MSC: variants seen among roughly 807,000 people sequenced by gnomAD.
MSC encodes musculin.
Under a neutral mutation model 14.4 loss-of-function variants are expected in MSC, and 16 were observed. The ratio of observed to expected loss-of-function variants is 1.11; its 90% confidence interval spans 0.75 to 1.69. MSC has a LOEUF of 1.69. Ranked by LOEUF, MSC falls within the 40% of genes most tolerant of loss-of-function variation. MSC has a pLI of 0.00. For synonymous variants in MSC, 165 were observed against 128.5 expected, an observed-to-expected ratio of 1.28 and a Z score of -1.92; for missense variants, 320 against 288.1, an observed-to-expected ratio of 1.11 and a Z score of -0.80.
rs1415708349 is a variant in MSC at position 71,844,210 on chromosome 8, T to C, written c.-32A>G. 6.3e-7 allele frequency: 1 copy of C among 1,599,474 alleles called. No homozygotes were observed. The highest frequency in any genetic ancestry group is 8.5e-7 in the Non-Finnish European group (1 of 1,172,382). ...GTCCCCCTTGCCCACACGCGTCCTC[T>C]TTCCTCCCCCCTGGCCAGTCTCGCT... On this transcript the variant is annotated 5_prime_UTR_variant, in exon 1 of 2. Coordinates refer to ENST00000325509, the MANE Select transcript of MSC (RefSeq NM_005098.4).
chr8:71,842,994 T>A (rs1420996899), intron 1 of MSC: 1 of 438,064 alleles, frequency 2.3e-6, no homozygotes, highest in Admixed American at 3.4e-5. Flanking sequence ...GTGAAACTCA[T>A]CTGACTTTGA....
In MSC at chr8:71,844,301, C is replaced by G; in HGVS notation, c.-123G>C. The G allele has an allele frequency of 7.1e-7, 1 of 1,418,380 alleles. No homozygotes were observed. Among genetic ancestry groups the G allele is most frequent in the East Asian group, 2.4e-5 (1 of 41,092 alleles). 87.9% of individuals were successfully genotyped at this position (1,418,380 alleles called of 1,614,324 possible). A position where few individuals can be genotyped will look rare whatever the true frequency, so the allele number is the denominator to read the frequency against. On this transcript the variant is annotated 5_prime_UTR_variant, in exon 1 of 2. Transcript: ENST00000325509. ...AGCGCTCCAAGGAAGACTAAAAACC[C>G]AGGCCGGGAAGCGCGGGGTGAGAAA...
chr8:71,842,727 C>T lies in MSC; in HGVS notation c.555G>A (p.Ser185=). 1.9e-6 allele frequency: 3 copies of T among 1,613,990 alleles called. No individual in the cohort carries two copies. Among genetic ancestry groups the T allele is most frequent in the South Asian group, 1.1e-5 (1 of 91,054 alleles). The part of the protein sequence containing the change: ...PVNLTWPFVV[S]GRPDSDTKEV... ...CTTTGGTGTCAGAGTCCGGTCTTCC[C>T]GAGACCACGAATGGCCATGTCTGTA... Residue 185 remains serine (S), a synonymous_variant, in exon 2 of 2, where the codon TCG becomes TCA. Coordinates refer to ENST00000325509, the MANE Select transcript of MSC (RefSeq NM_005098.4).
rs1554624671 is a variant in MSC, at chr8:71,843,082, A to ACACC, written c.535-336_535-335insGGTG. ...CACACACACACACACACACACACACAGTCATCCACTCCAAGCTCCAAGTAG... is the reference window on the plus strand; with the variant it reads ...CACACACACACACACACACACACACACACCGTCATCCACTCCAAGCTCCAAGTAG... On this transcript the variant is annotated intron_variant, in intron 1 of 1. Transcript: ENST00000325509. 90 of 347,188 alleles carry ACACC rather than the reference A, an allele frequency of 2.6e-4. 3 individuals are homozygous for ACACC. Among genetic ancestry groups the ACACC allele is most frequent in the African/African-American group, 1.9e-3 (88 of 45,774 alleles). 21.5% of individuals were successfully genotyped at this position (347,188 alleles called of 1,614,324 possible).
chr8:71,844,192 T>C lies in MSC; in HGVS notation c.-14A>G. 2 of 1,590,164 alleles carry C rather than the reference T, an allele frequency of 1.3e-6. No homozygotes were observed. Among genetic ancestry groups the C allele is most frequent in the South Asian group, 1.1e-5 (1 of 89,058 alleles). On this transcript the variant is annotated 5_prime_UTR_variant, in exon 1 of 2. Transcript: ENST00000325509. ...GCCCGTGGACATCCCGTTGTCCCCC[T>C]TGCCCACACGCGTCCTCTTTCCTCC... is the stretch of plus-strand genomic sequence containing the variant.
In MSC at chr8:71,844,097, T is replaced by C; in HGVS notation, c.82A>G (p.Arg28Gly). The change falls in exon 1 of 2, where the codon AGG (arginine) becomes GGG (glycine). Residue 28 changes from arginine to glycine, a missense_variant. Arg to Gly is a moderately radical substitution (Grantham distance 125). Transcript: ENST00000325509. Reference sequence around the variant, plus strand: ...CGCTCTACGCCGCGGAGGGGCGGCCTCTTGGAGGCGGGGACCGGGTACTCC... The same window carrying C: ...CGCTCTACGCCGCGGAGGGGCGGCCCCTTGGAGGCGGGGACCGGGTACTCC... Reference protein sequence around the residue: ...QREYPVPASKRPPLRGVERSY... With the variant: ...QREYPVPASKGPPLRGVERSY... 2 of 1,521,310 alleles carry C rather than the reference T, an allele frequency of 1.3e-6. No individual in the cohort carries two copies. Among genetic ancestry groups the C allele is most frequent in the Non-Finnish European group, 1.8e-6 (2 of 1,135,822 alleles). 94.2% of individuals were successfully genotyped at this position (1,521,310 alleles called of 1,614,324 possible).
intron 1 of MSC, 30 bp from the exon 2 acceptor site, chr8:71,842,777 G>C (rs1807411782): frequency 6.2e-7 from 1 of 1,601,758 alleles, no homozygotes; most frequent in Admixed American, 1.7e-5. Context: ...TGAGATATTA[G>C]AGAGAAACGA....
In MSC at chr8:71,843,745, T is replaced by G. The variant is rs1241003040; in HGVS notation, c.434A>C (p.Lys145Thr). 1 of 1,614,050 alleles carries G rather than the reference T, an allele frequency of 6.2e-7. No homozygotes were observed. Among genetic ancestry groups the G allele is most frequent in the Admixed American group, 1.7e-5 (1 of 60,014 alleles). ...GGAAGCCAGCCGGAGCGTGTCCAGC[T>G]TGGAGAGCTTAGTGTCGGGGGGCAC... ...PWVPPDTKLS[K>T]LDTLRLASSY... The change falls in exon 1 of 2, where the codon AAG (lysine) becomes ACG (threonine). Residue 145 changes from lysine to threonine, a missense_variant. Transcript: ENST00000325509.
rs2129421172 is a variant in MSC, at chr8:71,844,348, T to G, written c.-170A>C. The G allele has an allele frequency of 1.1e-6, 1 of 950,362 alleles. No homozygotes were observed. Among genetic ancestry groups the G allele is most frequent in the Non-Finnish European group, 1.6e-6 (1 of 612,892 alleles). 58.9% of individuals were successfully genotyped at this position (950,362 alleles called of 1,614,324 possible). A position where few individuals can be genotyped will look rare whatever the true frequency, so the allele number is the denominator to read the frequency against. On this transcript the variant is annotated 5_prime_UTR_variant, in exon 1 of 2. Transcript: ENST00000325509. ...GAAAGCGAGGTGGGTGGCGAGAGCG[T>G]GAGCGCCCCTCTGCTGACCCCGGGG...
rs1468360495 is a variant in MSC at position 71,844,248 on chromosome 8, C to G, written c.-70G>C. The stretch of plus-strand genomic sequence containing the variant: ...GGCCAGTCTCGCTGTCTCCGCCTTC[C>G]GCTCCCTGGCGGAGGCGGAGGCCAG... On this transcript the variant is annotated 5_prime_UTR_variant, in exon 1 of 2. Transcript: ENST00000325509. 6.3e-7 allele frequency: 1 copy of G among 1,592,786 alleles called. No individual in the cohort carries two copies. The highest frequency in any genetic ancestry group is 1.7e-5 in the Admixed American group (1 of 59,514).
chr8:71,843,484 C>T, intron 1 of MSC, 161 bp downstream of exon 1: 2 of 883,740 alleles, frequency 2.3e-6, no homozygotes, highest in Non-Finnish European at 3.7e-6. Flanking sequence ...TGGCTGGCCA[C>T]TCCCTTGATT....
rs779932755 is a variant in MSC, at chr8:71,843,656, G to A, written c.523C>T (p.Pro175Ser). The change falls in exon 1 of 2, where the codon CCA becomes TCA. Residue 175 changes from proline to serine, a missense_variant. Transcript: ENST00000325509. ...EDRYENGYVH[P>S]VNLTWPFVVS... ...CGCCGCGCCCCTACCAGGTTCACTG[G>A]GTGCACGTAGCCGTTCTCATAGCGG... 3 of 1,614,082 alleles carry A rather than the reference G, an allele frequency of 1.9e-6. No individual in the cohort carries two copies. In the South Asian group the frequency reaches 3.3e-5, roughly 18 times the overall value.
chr8:71,842,537 A>C lies in MSC; in HGVS notation c.*124T>G. On this transcript the variant is annotated 3_prime_UTR_variant, in exon 2 of 2. Transcript: ENST00000325509. ...CCTGTCACGATCACAGTTCCAGGGA[A>C]AGGGGAAGGGTCAAGGAGAATCCAG... 1.1e-6 allele frequency: 1 copy of C among 921,502 alleles called. No individual in the cohort carries two copies. Among genetic ancestry groups the C allele is most frequent in the East Asian group, 2.5e-5 (1 of 40,222 alleles). 57.1% of individuals were successfully genotyped at this position (921,502 alleles called of 1,614,324 possible). A position where few individuals can be genotyped will look rare whatever the true frequency, so the allele number is the denominator to read the frequency against.
Position 71,844,369 on chromosome 8 carries a change from C to G in MSC, c.-191G>C, listed in dbSNP as rs1392693712. ...AGCGTGAGCGCCCCTCTGCTGACCC[C>G]GGGGAGCGTGGACTACGAGTTGGCG... On this transcript the variant is annotated 5_prime_UTR_variant, in exon 1 of 2. Transcript: ENST00000325509. 1.2e-6 allele frequency: 1 copy of G among 823,010 alleles called. No individual in the cohort carries two copies. The highest frequency in any genetic ancestry group is 2.0e-6 in the Non-Finnish European group (1 of 496,642). The allele number at this position is 823,010 out of a possible 1,614,324, so 51.0% of individuals were successfully genotyped here. A position where few individuals can be genotyped will look rare whatever the true frequency, so the allele number is the denominator to read the frequency against.
chr8:71,844,047 G>A lies in MSC; in HGVS notation c.132C>T (p.Asn44=), dbSNP rs1468418841. ...VERSYASPSD[N]SSAEEEDPDG... ...CGGGGTCCTCCTCCTCTGCCGACGA[G>A]TTGTCACTGGGCGAGGCGTAGCTGC... The change falls in exon 1 of 2, where the codon AAC becomes AAT. Residue 44 remains asparagine (N), a synonymous_variant. Coordinates refer to ENST00000325509, the MANE Select transcript of MSC (RefSeq NM_005098.4). 2.6e-6 allele frequency: 4 copies of A among 1,556,974 alleles called. No individual in the cohort carries two copies. The highest frequency in any genetic ancestry group is 1.4e-5 in the African/African-American group (1 of 72,946).
rs1046616786 is a variant in MSC, at chr8:71,842,360, C to G, written c.*301G>C. The G allele has an allele frequency of 5.3e-6, 2 of 379,616 alleles. No individual in the cohort carries two copies. The highest frequency in any genetic ancestry group is 2.1e-5 in the African/African-American group (1 of 48,410). 23.5% of individuals were successfully genotyped at this position (379,616 alleles called of 1,614,324 possible). On this transcript the variant is annotated 3_prime_UTR_variant, in exon 2 of 2. Coordinates refer to ENST00000325509, the MANE Select transcript of MSC (RefSeq NM_005098.4). ...GTCTGGCGCGGGCTGGGGCAGCAGC[C>G]GAGAGTTAGTCTACAGAGCTAGGGC... is the stretch of plus-strand genomic sequence containing the variant.
In MSC at chr8:71,844,113, C is replaced by A. The variant is rs1807458645; in HGVS notation, c.66G>T (p.Pro22=). 1 of 1,522,108 alleles carries A rather than the reference C, an allele frequency of 6.6e-7. No individual in the cohort carries two copies. Among genetic ancestry groups the A allele is most frequent in the South Asian group, 1.3e-5 (1 of 76,186 alleles). The allele number at this position is 1,522,108 out of a possible 1,614,324, so 94.3% of individuals were successfully genotyped here. The change falls in exon 1 of 2, where the codon CCG becomes CCT. Residue 22 remains proline (P), a synonymous_variant. Coordinates refer to ENST00000325509, the MANE Select transcript of MSC (RefSeq NM_005098.4). ...GGGGCGGCCTCTTGGAGGCGGGGACCGGGTACTCCCGCTGCAGCCCCCGAA... is the reference window on the plus strand; with the variant it reads ...GGGGCGGCCTCTTGGAGGCGGGGACAGGGTACTCCCGCTGCAGCCCCCGAA... ...MELRGLQREY[P]VPASKRPPLR... is the part of the protein sequence containing the mutation.
In MSC at chr8:71,843,952, C is replaced by A. The variant is rs1403611384; in HGVS notation, c.227G>T (p.Arg76Leu). ...SAEGCKRKRP[R>L]VAGGGGAGGS... The stretch of plus-strand genomic sequence containing the variant: ...ACCTGCGCCGCCGCCCCCAGCCACA[C>A]GGGGCCGCTTCCTCTTGCAGCCTTC... The change falls in exon 1 of 2, where the codon CGT (arginine) becomes CTT (leucine). Residue 76 changes from arginine (R) to leucine (L), a missense_variant. Transcript: ENST00000325509. The A allele has an allele frequency of 1.9e-6, 3 of 1,561,888 alleles. No homozygotes were observed. The highest frequency in any genetic ancestry group is 2.6e-6 in the Non-Finnish European group (3 of 1,155,538).
At chr8:71,843,082 A>G (rs556585757) in intron 1 of MSC, 2 of 346,824 alleles carry the variant, frequency 5.8e-6, no homozygotes, top group Non-Finnish European at 1.1e-5. Context: ...ACACACACAC[A>G]GTCATCCACT....
Sources: gnomAD v4.1 joint callset for allele counts on GRCh38, gnomAD v4.1.1 for gene constraint, MANE v1.5 for transcripts, NCBI Gene and HGNC (gene_info 2026-07-23, HGNC 2026-07-21) for gene names.